TCF7L2: variants seen among roughly 807,000 people sequenced by gnomAD.
The protein encoded by TCF7L2 is transcription factor 7-like 2.
Under a neutral mutation model 77.9 loss-of-function variants are expected in TCF7L2, and 23 were observed. The ratio of observed to expected loss-of-function variants is 0.30; its 90% CI spans 0.21 to 0.42. The LOEUF (loss-of-function observed/expected upper bound fraction) is 0.42, where lower values mean the gene tolerates loss of function less well. TCF7L2 is among the 10% of genes least tolerant of loss of function. TCF7L2 has a pLI of 1.00. For synonymous variants in TCF7L2, 413 were observed against 340.2 expected (o/e 1.21, Z -2.36); for missense variants, 654 against 793.1 (o/e 0.82, Z 2.11).
At chr10:113,010,686 G>A (rs148424046) in intron 4 of TCF7L2, among the ~76,000 whole-genome samples, 2 of 152,188 alleles carry the variant, frequency 1.3e-5, no homozygotes, top group African/African-American at 2.4e-5. Flanking sequence ...TGTGGAGTAC[G>A]GTTGAGAAAC....
At chr10:113,053,559 T>C (rs976509302) in intron 5 of TCF7L2, among the ~76,000 whole-genome samples, 1 of 152,214 alleles carries the variant, frequency 6.6e-6, no homozygotes, top group Admixed American at 6.5e-5. Context: ...TGGTTCTGCC[T>C]GATGCTAGCT....
chr10:113,139,163 G>A (rs961361769), intron 5 of TCF7L2, among the ~76,000 whole-genome samples: 1 of 152,126 alleles, frequency 6.6e-6, no homozygotes, highest in Non-Finnish European at 1.5e-5. Flanking sequence ...TCATGTCAGC[G>A]GGTATGTATC....
chr10:112,976,689 A>G (rs2039481315), intron 4 of TCF7L2, among the ~76,000 whole-genome samples: 1 of 152,236 alleles, frequency 6.6e-6, no homozygotes. Context: ...GAATTTTTAA[A>G]TAACAGCCCC....
Position 113,111,530 on chromosome 10 carries a change from G to A in TCF7L2, c.553-29654G>A, listed in dbSNP as rs560917795. ...TAACCAACTGGGTGCGGTGGCTCAC[G>A]GCTGTAATCTCAGTCCTTTCAGAGG... On this transcript the variant is annotated intron_variant, in intron 5 of 13. Transcript: ENST00000627217. Among the ~76,000 whole-genome samples, 63 of 152,262 alleles carry A rather than the reference G, an allele frequency of 4.1e-4. 1 individual carries two copies. In the South Asian group the frequency reaches 0.011, roughly 27 times the overall value.
intron 4 of TCF7L2, among the ~76,000 whole-genome samples, chr10:113,029,850 T>C (rs1229375214): frequency 6.6e-6 from 1 of 152,088 alleles, no homozygotes; most frequent in African/African-American, 2.4e-5. Context: ...TTTTATCTCT[T>C]AAATGAATGT....
intron 4 of TCF7L2, among the ~76,000 whole-genome samples, chr10:112,996,041 G>A (rs2043411289): frequency 2.6e-5 from 4 of 152,144 alleles, no homozygotes; most frequent in Non-Finnish European, 5.9e-5. Context: ...CATGGACTAA[G>A]GACTTTACAT....
At chr10:112,964,800 TGGTGGTGGTGGTG>T (rs1364199284) in intron 4 of TCF7L2, among the ~76,000 whole-genome samples, 176 bp downstream of exon 4, 2 of 29,074 alleles carry the variant, frequency 6.9e-5, no homozygotes, top group African/African-American at 3.5e-4. Flanking sequence ...GTGATGGTGG[TGGTGGTGGTGGTG>T]GGGGGGGGTT....
chr10:112,971,893 G>T (rs1223972990), intron 4 of TCF7L2, among the ~76,000 whole-genome samples: 2 of 151,862 alleles, frequency 1.3e-5, no homozygotes, highest in African/African-American at 2.4e-5. Flanking sequence ...GATTACAGGT[G>T]TGAGCCACTG....
At chr10:113,126,862 G>A in intron 5 of TCF7L2, 2 of 987,080 alleles carry the variant, frequency 2.0e-6, no homozygotes, top group South Asian at 9.3e-5. Context: ...GAAGGACAGC[G>A]CCGCAACCCT....
At chr10:113,022,520 G>T (rs1329928314) in intron 4 of TCF7L2, among the ~76,000 whole-genome samples, 1 of 152,134 alleles carries the variant, frequency 6.6e-6, no homozygotes, top group Non-Finnish European at 1.5e-5. Flanking sequence ...GGTTAACTAG[G>T]AAGACTTTTG....
chr10:113,002,387 C>T (rs2044650156), intron 4 of TCF7L2, among the ~76,000 whole-genome samples: 1 of 152,128 alleles, frequency 6.6e-6, no homozygotes, highest in South Asian at 2.1e-4. Flanking sequence ...AGACATTTAG[C>T]ATGGCCAGTC....
intron 5 of TCF7L2, among the ~76,000 whole-genome samples, chr10:113,082,551 T>C (rs1404245141): frequency 1.2e-4 from 18 of 152,204 alleles, no homozygotes; most frequent in Admixed American, 1.2e-3. Context: ...ACACTTTTTC[T>C]TGGTCATGTT....
intron 5 of TCF7L2, among the ~76,000 whole-genome samples, chr10:113,069,233 C>CTT (rs542054630): frequency 2.2e-4 from 30 of 139,444 alleles, no homozygotes; most frequent in African/African-American, 7.3e-4. Context: ...AACTCATATT[C>CTT]TTTTTTTTTT....
intron 4 of TCF7L2, among the ~76,000 whole-genome samples, chr10:113,003,838 A>G (rs1185137503): frequency 6.6e-6 from 1 of 152,212 alleles, no homozygotes; most frequent in Non-Finnish European, 1.5e-5. Flanking sequence ...GTAGGCCACC[A>G]TGGCTTTCAG....
At chr10:112,983,015 G>T (rs183196349) in intron 4 of TCF7L2, among the ~76,000 whole-genome samples, 285 of 152,298 alleles carry the variant, frequency 1.9e-3, no homozygotes, top group African/African-American at 6.4e-3. Flanking sequence ...AAGCCTGGGG[G>T]TGAGATGGGA....
chr10:112,953,396 A>G (rs2032565638), intron 3 of TCF7L2, among the ~76,000 whole-genome samples: 1 of 151,864 alleles, frequency 6.6e-6, no homozygotes, highest in Non-Finnish European at 1.5e-5. Flanking sequence ...CTTACTTTGT[A>G]TTTTTCTTGG....
chr10:113,036,086 A>T (rs957597715), intron 4 of TCF7L2, among the ~76,000 whole-genome samples: 1 of 150,424 alleles, frequency 6.6e-6, no homozygotes, highest in Non-Finnish European at 1.5e-5. Flanking sequence ...TTTCCTGGCA[A>T]CTTTGTCGCC....
intron 4 of TCF7L2, among the ~76,000 whole-genome samples, chr10:112,985,928 G>T (rs1388520141): frequency 6.6e-6 from 1 of 151,512 alleles, no homozygotes. Context: ...ATGGGCAGCC[G>T]CTACTTCACT....
chr10:112,974,469 A>C, intron 4 of TCF7L2, among the ~76,000 whole-genome samples: 1 of 151,732 alleles, frequency 6.6e-6, no homozygotes, highest in East Asian at 1.9e-4. Context: ...TTTTGAGATG[A>C]GTCTCGCTCT....
Sources: gnomAD v4.1 joint callset for allele counts (sites outside exome capture counted in the v4.1 genomes callset) on GRCh38, gnomAD v4.1.1 for gene constraint, MANE v1.5 for transcripts, NCBI Gene and HGNC (gene_info 2026-07-23, HGNC 2026-07-21) for gene names.